The following ADCY2 variants were observed in gnomAD, a reference collection of about 807,000 sequenced individuals.
ADCY2 encodes adenylate cyclase type 2.
ADCY2 carries 31 observed loss-of-function variants against 125.2 expected under a neutral mutation model. That is an observed-to-expected ratio of 0.25 (90% confidence interval 0.19 to 0.33). The LOEUF is 0.33. Ranked by LOEUF, ADCY2 falls within the 10% of genes least tolerant of loss-of-function variation. The pLI is 1.00. For missense variants in ADCY2, 904 were observed against 1,418.2 expected (o/e 0.64, Z 5.82); for synonymous variants, 512 against 548.4 (o/e 0.93, Z 0.93).
chr5:7,691,727 T>C (rs1740711383), intron 5 of ADCY2: 2 of 152,500 alleles, frequency 1.3e-5, no homozygotes, highest in Admixed American at 1.3e-4. Context: ...CTTTGCATTC[T>C]AGCTGGGTGT....
At chr5:7,507,967 T>G (rs533501204) in intron 2 of ADCY2, among the ~76,000 whole-genome samples, 1 of 152,088 alleles carries the variant, frequency 6.6e-6, no homozygotes, top group Admixed American at 6.5e-5. Context: ...ATAAAATATT[T>G]TCAGGTAGAC....
intron 11 of ADCY2, 102 bp from the exon 12 acceptor site, chr5:7,717,055 G>T: frequency 1.4e-6 from 1 of 693,566 alleles, no homozygotes. Context: ...AATGTCATCT[G>T]TATCTCATAA....
chr5:7,427,590 T>A (rs536286579), intron 2 of ADCY2, among the ~76,000 whole-genome samples: 2 of 152,078 alleles, frequency 1.3e-5, no homozygotes, highest in African/African-American at 4.8e-5. Context: ...GGAACTACAA[T>A]TGAAGATGAG....
intron 3 of ADCY2, among the ~76,000 whole-genome samples, chr5:7,525,501 A>G (rs1184542734): frequency 1.3e-5 from 2 of 152,060 alleles, no homozygotes; most frequent in Non-Finnish European, 2.9e-5. Context: ...CTCTGATTTT[A>G]GGGTCCTGAT....
intron 3 of ADCY2, among the ~76,000 whole-genome samples, chr5:7,606,128 A>G (rs1036714852): frequency 1.3e-5 from 2 of 152,026 alleles, no homozygotes; most frequent in Admixed American, 1.3e-4. Context: ...TGATTTGCGT[A>G]TATGGTAATG....
chr5:7,626,398 C>T, intron 4 of ADCY2, 82 bp downstream of exon 4: 1 of 1,464,936 alleles, frequency 6.8e-7, no homozygotes, highest in Non-Finnish European at 9.2e-7. Context: ...GAGTGTCGTT[C>T]ATTCATTCAT....
chr5:7,506,697 T>C (rs907679533), intron 2 of ADCY2, among the ~76,000 whole-genome samples: 2 of 151,868 alleles, frequency 1.3e-5, no homozygotes, highest in African/African-American at 4.8e-5. Flanking sequence ...CTTGATTTAA[T>C]GGCAGTGTAT....
chr5:7,491,707 A>AG (rs1410023006), intron 2 of ADCY2, among the ~76,000 whole-genome samples: 2 of 152,190 alleles, frequency 1.3e-5, no homozygotes, highest in African/African-American at 4.8e-5. Context: ...TATAAGTTAT[A>AG]GCCCCTAACT....
At chr5:7,778,127 T>C (rs549025783) in intron 18 of ADCY2, among the ~76,000 whole-genome samples, 1 of 152,342 alleles carries the variant, frequency 6.6e-6, no homozygotes, top group East Asian at 1.9e-4. Flanking sequence ...CACCAACTGC[T>C]CTTCAAGGTG....
intron 2 of ADCY2, among the ~76,000 whole-genome samples, chr5:7,484,689 C>G (rs2126478838): frequency 6.6e-6 from 1 of 152,268 alleles, no homozygotes; most frequent in East Asian, 1.9e-4. Context: ...CTATGACATG[C>G]CTGTGGCTCT....
chr5:7,813,930 A>G (rs529966717), intron 22 of ADCY2, among the ~76,000 whole-genome samples: 1 of 152,234 alleles, frequency 6.6e-6, no homozygotes, highest in African/African-American at 2.4e-5. Flanking sequence ...TTGCTTGTTG[A>G]TTTAACAGCT....
At chr5:7,666,497 G>A (rs183632182) in intron 4 of ADCY2, among the ~76,000 whole-genome samples, 4 of 149,100 alleles carry the variant, frequency 2.7e-5, no homozygotes, top group Non-Finnish European at 6.0e-5. Flanking sequence ...CTCGATCTCC[G>A]GACCTCATGA....
rs114094005 is a variant in ADCY2 at position 7,438,383 on chromosome 5, C to T, written c.408+23613C>T. ...CAGGAGAAGGAGCAAACATAACATG[C>T]AACGCATCAGTAAGTTTTATACTTG... On this transcript the variant is annotated intron_variant, in intron 2 of 24. Transcript: ENST00000338316. Among the ~76,000 whole-genome samples the T allele has an allele frequency of 3.5e-3, 533 of 152,322 alleles. 2 individuals are homozygous for T. The highest frequency in any genetic ancestry group is 0.012 in the African/African-American group (488 of 41,574).
At chr5:7,745,467 A>T (rs911836011) in intron 15 of ADCY2, among the ~76,000 whole-genome samples, 1 of 152,198 alleles carries the variant, frequency 6.6e-6, no homozygotes, top group Admixed American at 6.5e-5. Context: ...AACCCCCTGA[A>T]GACATTGTGG....
chr5:7,404,072 C>T (rs34777750), intron 1 of ADCY2, among the ~76,000 whole-genome samples: 6,159 of 152,034 alleles, frequency 0.041, 163 homozygotes, highest in South Asian at 0.1. Flanking sequence ...TCTAGTATTT[C>T]TAATTTTATT....
intron 2 of ADCY2, among the ~76,000 whole-genome samples, chr5:7,453,575 G>A (rs1741552953): frequency 6.6e-6 from 1 of 152,184 alleles, no homozygotes; most frequent in African/African-American, 2.4e-5. Context: ...TTTAGAGCAG[G>A]AGTGAAATTG....
rs186802561 is a variant in ADCY2, at chr5:7,633,226, T to A, written c.720+6910T>A. Among the ~76,000 whole-genome samples, 757 of 149,520 alleles carry A rather than the reference T, an allele frequency of 5.1e-3. 7 individuals carry two copies. The highest frequency in any genetic ancestry group is 0.018 in the African/African-American group (720 of 40,652). On this transcript the variant is annotated intron_variant, in intron 4 of 24. Transcript: ENST00000338316. ...CGGGCGGATCACCTGAGGTCAGGAG[T>A]TTGAGACCAGCCTGGCCAACATGGT...
chr5:7,456,246 T>C (rs1437448253), intron 2 of ADCY2, among the ~76,000 whole-genome samples: 1 of 152,162 alleles, frequency 6.6e-6, no homozygotes, highest in Non-Finnish European at 1.5e-5. Context: ...GTTTTCTAGA[T>C]TATGAATTTG....
chr5:7,656,872 G>A (rs1029775726), intron 4 of ADCY2, among the ~76,000 whole-genome samples: 6 of 152,134 alleles, frequency 3.9e-5, no homozygotes, highest in African/African-American at 7.2e-5. Context: ...ACATAGTAAC[G>A]GTTGAGTATC....
Sources: allele counts gnomAD v4.1 joint callset (sites outside exome capture counted in the v4.1 genomes callset), GRCh38; gene constraint gnomAD v4.1.1; transcripts MANE v1.5; gene names NCBI Gene and HGNC (gene_info 2026-07-23, HGNC 2026-07-21).